The following ADGRA2 variants were observed in gnomAD, a reference collection of about 807,000 sequenced individuals.
ADGRA2 encodes the protein adhesion G protein-coupled receptor A2.
Under a neutral mutation model 98.7 loss-of-function variants are expected in ADGRA2, and 61 were observed. That is an observed-to-expected ratio of 0.62 (90% CI 0.50 to 0.76). ADGRA2 has a LOEUF of 0.76. ADGRA2 is among the 30% of genes least tolerant of loss of function. The pLI is 0.00. For synonymous variants in ADGRA2, 858 were observed against 831.5 expected (o/e 1.03, Z -0.55); for missense variants, 1,712 against 1,860.0 (o/e 0.92, Z 1.46).
At chr8:37,829,629 T>C (rs1805394605) in intron 5 of ADGRA2, 70 bp downstream of exon 5, 1 of 1,175,828 alleles carries the variant, frequency 8.5e-7, no homozygotes, top group African/African-American at 1.5e-5. Context: ...GATGTATAAG[T>C]ATCATGACCA....
chr8:37,835,935 C>A (rs1204925778), intron 13 of ADGRA2, among the ~76,000 whole-genome samples, 165 bp downstream of exon 13: 1 of 151,980 alleles, frequency 6.6e-6, no homozygotes, highest in Non-Finnish European at 1.5e-5. Flanking sequence ...GGTAGAGATA[C>A]CCCATAAAGA....
rs890765509 is a variant in ADGRA2 at position 37,797,863 on chromosome 8, C to T, written c.266+329C>T. On this transcript the variant is annotated intron_variant, in intron 1 of 18. Transcript: ENST00000412232. This position sits in a 1 kb window ranked among gnomAD's most constrained non-coding sequence, Gnocchi z 5.3. ...TTCCAGCCTGGACTAGGGTTGCGGA[C>T]TTTGGGGACCTGAGAAGGGTGAGAG... 1.5e-4 allele frequency among the ~76,000 whole-genome samples: 23 copies of T among 152,204 alleles called. No homozygotes were observed. Among genetic ancestry groups the T allele is most frequent in the African/African-American group, 5.3e-4 (22 of 41,468 alleles).
At chr8:37,840,006 T>C (rs922878831) in intron 16 of ADGRA2, 115 bp from the exon 17 acceptor site, 1 of 986,348 alleles carries the variant, frequency 1.0e-6, no homozygotes, top group Admixed American at 2.6e-5. Flanking sequence ...CTGGGTAAAG[T>C]AAAAAAGCTG....
chr8:37,806,434 T>A (rs1195999100), intron 1 of ADGRA2, among the ~76,000 whole-genome samples: 1 of 152,014 alleles, frequency 6.6e-6, no homozygotes, highest in Non-Finnish European at 1.5e-5. Flanking sequence ...TGTTTCCTCT[T>A]CCTCTCTGGC....
Position 37,797,080 on chromosome 8 carries a change from G to C in ADGRA2, c.-189G>C. On this transcript the variant is annotated 5_prime_UTR_variant, in exon 1 of 19. Transcript: ENST00000412232. This position sits in a 1 kb window ranked among gnomAD's most constrained non-coding sequence, Gnocchi z 5.3. Reference sequence around the variant, plus strand: ...CAGCCGCGCCGACGTCCTCCCCGCCGGGGCGCTCGCAGGACATGCCCCCGG... The same window carrying C: ...CAGCCGCGCCGACGTCCTCCCCGCCCGGGCGCTCGCAGGACATGCCCCCGG... 4.0e-6 allele frequency: 1 copy of C among 252,302 alleles called. No homozygotes were observed. The highest frequency in any genetic ancestry group is 7.1e-6 in the Non-Finnish European group (1 of 141,306). 15.6% of individuals were successfully genotyped at this position (252,302 alleles called of 1,614,324 possible).
intron 13 of ADGRA2, among the ~76,000 whole-genome samples, chr8:37,836,598 C>T (rs1233461114): frequency 6.6e-6 from 1 of 152,140 alleles, no homozygotes; most frequent in Non-Finnish European, 1.5e-5. Flanking sequence ...CCAGTGATTC[C>T]ACTGTTACTC....
At chr8:37,806,692 G>A (rs1215723723) in intron 1 of ADGRA2, among the ~76,000 whole-genome samples, 3 of 151,630 alleles carry the variant, frequency 2.0e-5, no homozygotes, top group Admixed American at 2.0e-4. Context: ...ACCTTGTCCA[G>A]CTAATTTTTG....
chr8:37,799,830 C>T (rs751759711), intron 1 of ADGRA2, among the ~76,000 whole-genome samples: 10 of 152,180 alleles, frequency 6.6e-5, no homozygotes, highest in Non-Finnish European at 1.2e-4. Context: ...GCCCACGGGT[C>T]CTTCAGCCTG....
At chr8:37,828,804 C>T (rs534228798) in intron 2 of ADGRA2, 84 bp from the exon 3 acceptor site, 12 of 1,044,526 alleles carry the variant, frequency 1.1e-5, no homozygotes, top group East Asian at 4.9e-5. Context: ...GCAACAACAC[C>T]GTGGTGACAG....
In ADGRA2 at chr8:37,838,989, G is replaced by A. The variant is rs377613583; in HGVS notation, c.2293G>A (p.Ala765Thr). 81 of 1,574,720 alleles carry A rather than the reference G, an allele frequency of 5.1e-5. No homozygotes were observed. The highest frequency in any genetic ancestry group is 9.1e-5 in the East Asian group (4 of 43,936). The change falls in exon 15 of 19, where the codon GCC becomes ACC. Residue 765 changes from alanine to threonine, a missense_variant. Physicochemically the swap from Ala to Thr is moderately conservative, Grantham distance 58 (BLOSUM62 0). Coordinates refer to ENST00000412232, the MANE Select transcript of ADGRA2 (RefSeq NM_032777.10). ...LSAFPREVGG[A>T]GAGLHPVVYP... ...CGCCTTTCCCAGGGAGGTGGGGGGC[G>A]CCGGGGCAGGGCTGCACCCCGTGGT... is the stretch of plus-strand genomic sequence containing the variant.
chr8:37,823,613 G>T (rs1256846308), intron 2 of ADGRA2, among the ~76,000 whole-genome samples: 2 of 152,130 alleles, frequency 1.3e-5, no homozygotes, highest in Non-Finnish European at 2.9e-5. Context: ...GGAATTTCTG[G>T]GTCATATGGT....
Position 37,797,127 on chromosome 8 carries a change from G to C in ADGRA2, c.-142G>C. ...CCGGGGCGCGGCGGCGGGGACCCCG[G>C]GGCTCGCCTCCGCCCAGGGCCCCCC... On this transcript the variant is annotated 5_prime_UTR_variant, in exon 1 of 19. Transcript: ENST00000412232. This position sits in a 1 kb window ranked among gnomAD's most constrained non-coding sequence, Gnocchi z 5.3. The C allele has an allele frequency of 3.9e-6, 2 of 507,248 alleles. No homozygotes were observed. The highest frequency in any genetic ancestry group is 1.9e-4 in the South Asian group (2 of 10,492). The allele number at this position is 507,248 out of a possible 1,614,324, so 31.4% of individuals were successfully genotyped here. A position where few individuals can be genotyped will look rare whatever the true frequency, so the allele number is the denominator to read the frequency against.
chr8:37,833,908 C>T (rs1297897103), intron 10 of ADGRA2, 59 bp from the exon 11 acceptor site: 1 of 1,605,022 alleles, frequency 6.2e-7, no homozygotes, highest in East Asian at 2.2e-5. Context: ...CTCTCTCTCA[C>T]TCCAGCTCCT....
At position 37,834,259 on chromosome 8, in the gene ADGRA2, C is replaced by T. The variant is rs1356779799; in HGVS notation, c.1608+131C>T. 2 of 885,372 alleles carry T rather than the reference C, an allele frequency of 2.3e-6. No homozygotes were observed. Among genetic ancestry groups the T allele is most frequent in the Admixed American group, 2.8e-5 (1 of 36,062 alleles). 54.8% of individuals were successfully genotyped at this position (885,372 alleles called of 1,614,324 possible). A position where few individuals can be genotyped will look rare whatever the true frequency, so the allele number is the denominator to read the frequency against. Reference sequence around the variant, plus strand: ...ACAAAGTTCTGAGCCATGGGGTTCACTTCCAAGTTGTCAGGGGCAGTGCTA... The same window carrying T: ...ACAAAGTTCTGAGCCATGGGGTTCATTTCCAAGTTGTCAGGGGCAGTGCTA... On this transcript the variant is annotated intron_variant, in intron 11 of 18. Transcript: ENST00000412232. This position sits in a 1 kb window ranked among gnomAD's most constrained non-coding sequence, Gnocchi z 4.2.
Position 37,796,967 on chromosome 8 carries a change from C to T in ADGRA2, c.-302C>T. 2 of 160,112 alleles carry T rather than the reference C, an allele frequency of 1.2e-5. No individual in the cohort carries two copies. The highest frequency in any genetic ancestry group is 2.4e-5 in the African/African-American group (1 of 41,538). 9.9% of individuals were successfully genotyped at this position (160,112 alleles called of 1,614,324 possible). A position where few individuals can be genotyped will look rare whatever the true frequency, so the allele number is the denominator to read the frequency against. ...CCCAGCCCAGCGCCCAGCGAGCAGG[C>T]GACGCGGAGGGGCCGGGCCTCCAGT... is the stretch of plus-strand genomic sequence containing the variant. On this transcript the variant is annotated 5_prime_UTR_variant, in exon 1 of 19. Coordinates refer to ENST00000412232, the MANE Select transcript of ADGRA2 (RefSeq NM_032777.10).
chr8:37,839,737 A>C, intron 16 of ADGRA2, 115 bp downstream of exon 16: 1 of 1,337,224 alleles, frequency 7.5e-7, no homozygotes, highest in Non-Finnish European at 1.0e-6. Context: ...CCGTGGCTCC[A>C]TGGCTTCCTC....
Position 37,830,947 on chromosome 8 carries a change from C to T in ADGRA2, c.932+24C>T, listed in dbSNP as rs1585398305. On this transcript the variant is annotated intron_variant, in intron 7 of 18. Coordinates refer to ENST00000412232, the MANE Select transcript of ADGRA2 (RefSeq NM_032777.10). The surrounding 1 kb of genome is among the most constrained non-coding windows in gnomAD (Gnocchi z 4.8). The stretch of plus-strand genomic sequence containing the variant: ...AGGTATGAGCCCCGCTGCCCCTCCT[C>T]AGGCCTCAGCATGGGGTTAGGGGAC... The T allele has an allele frequency of 6.5e-7, 1 of 1,529,164 alleles. No individual in the cohort carries two copies. The highest frequency in any genetic ancestry group is 8.9e-7 in the Non-Finnish European group (1 of 1,128,732). The allele number at this position is 1,529,164 out of a possible 1,614,324, so 94.7% of individuals were successfully genotyped here. A position where few individuals can be genotyped will look rare whatever the true frequency, so the allele number is the denominator to read the frequency against.
Position 37,844,443 on chromosome 8 carries a change from G to A in ADGRA2, c.*2088G>A, listed in dbSNP as rs765209078. On this transcript the variant is annotated 3_prime_UTR_variant, in exon 19 of 19. Coordinates refer to ENST00000412232, the MANE Select transcript of ADGRA2 (RefSeq NM_032777.10). ...TTCCATCCTTGGTTATAACAGGAAT[G>A]TTATCAAGCTGTCAGAACAGGATGA... 1.8e-5 allele frequency: 28 copies of A among 1,589,360 alleles called. No individual in the cohort carries two copies. The highest frequency in any genetic ancestry group is 2.0e-5 in the Non-Finnish European group (23 of 1,166,136).
In ADGRA2 at chr8:37,844,735, C is replaced by G. The variant is rs1805918870; in HGVS notation, c.*2380C>G. Reference sequence around the variant, plus strand: ...TGGGGTAAACCTAAGGAATTATTTCCCACCTCCCCTTCTCCTTGCCCCTGT... The same window carrying G: ...TGGGGTAAACCTAAGGAATTATTTCGCACCTCCCCTTCTCCTTGCCCCTGT... On this transcript the variant is annotated 3_prime_UTR_variant, in exon 19 of 19. Coordinates refer to ENST00000412232, the MANE Select transcript of ADGRA2 (RefSeq NM_032777.10). The G allele has an allele frequency of 6.2e-7, 1 of 1,613,918 alleles. No individual in the cohort carries two copies. The highest frequency in any genetic ancestry group is 8.5e-7 in the Non-Finnish European group (1 of 1,180,028).
Sources: gnomAD v4.1 joint callset for allele counts (sites outside exome capture counted in the v4.1 genomes callset) on GRCh38, gnomAD v4.1.1 for gene constraint, Gnocchi (gnomAD v3.1) non-coding constraint, MANE v1.5 for transcripts, NCBI Gene and HGNC (gene_info 2026-07-23, HGNC 2026-07-21) for gene names.